The following HDAC9 variants were observed in gnomAD, a reference collection of about 807,000 sequenced individuals.
HDAC9 encodes the protein MEF-2 interacting transcription repressor (MITR) protein.
HDAC9 carries 41 observed loss-of-function variants against 139.4 expected under a neutral mutation model. The ratio of observed to expected loss-of-function variants is 0.29; its 90% CI spans 0.23 to 0.38. HDAC9 has a LOEUF of 0.38. HDAC9 is among the 10% of genes least tolerant of loss of function. The pLI, the probability that HDAC9 is intolerant of heterozygous loss-of-function variation, is 1.00. For synonymous variants in HDAC9, 517 were observed against 476.2 expected (o/e 1.09, Z -1.12); for missense variants, 1,147 against 1,297.0 (o/e 0.88, Z 1.78).
At chr7:18,890,750 A>G (rs1800611133) in intron 22 of HDAC9, among the ~76,000 whole-genome samples, 1 of 152,220 alleles carries the variant, frequency 6.6e-6, no homozygotes, top group Non-Finnish European at 1.5e-5. Flanking sequence ...ACTACAGTGT[A>G]ACATAGAAGT....
Position 18,975,901 on chromosome 7 carries a change from C to T in HDAC9, c.3118C>T (p.Leu1040=), listed in dbSNP as rs751330593. 8.7e-6 allele frequency: 14 copies of T among 1,613,758 alleles called. No individual in the cohort carries two copies. In the East Asian group the frequency reaches 2.9e-4, roughly 33 times the overall value. Residue 1040 remains leucine (L), a synonymous_variant, in exon 25 of 26, where the codon CTG becomes TTG. Coordinates refer to ENST00000686413, the MANE Select transcript of HDAC9 (RefSeq NM_178425.4). ...AGAGGAGACAGAGACCGTTTCTGCC[C>T]TGGCCTCCCTAACAGTGGATGTGGA... The part of the protein sequence containing the change: ...LQEETETVSA[L]ASLTVDVEQP...
At chr7:18,389,359 C>T (rs967070870) in intron 1 of HDAC9, among the ~76,000 whole-genome samples, 2 of 152,204 alleles carry the variant, frequency 1.3e-5, no homozygotes, top group African/African-American at 4.8e-5. Context: ...GCATTTAGGA[C>T]AGCACAGCAG....
rs188984021 is a variant in HDAC9, at chr7:18,317,828, G to A, written c.-42+27313G>A. Among the ~76,000 whole-genome samples, 295 of 152,266 alleles carry A rather than the reference G, an allele frequency of 1.9e-3. 6 individuals are homozygous for A. Among genetic ancestry groups the A allele is most frequent in the Non-Finnish European group, 5.0e-4 (34 of 68,008 alleles). On this transcript the variant is annotated intron_variant, in intron 1 of 3. Coordinates refer to the HDAC9 transcript ENST00000413509. Reference sequence around the variant, plus strand: ...GTTAGACTACTTTTGTGTTACCAAAGTAGTCTAACAGAAATACTTAGTAGT... The same window carrying A: ...GTTAGACTACTTTTGTGTTACCAAAATAGTCTAACAGAAATACTTAGTAGT...
At chr7:18,781,737 T>C (rs536427766) in intron 16 of HDAC9, among the ~76,000 whole-genome samples, 10 of 152,070 alleles carry the variant, frequency 6.6e-5, no homozygotes, top group African/African-American at 2.4e-4. Context: ...GATAGGAAAA[T>C]GTTGAGCTTA....
chr7:18,699,889 A>G (rs570616664), intron 12 of HDAC9, among the ~76,000 whole-genome samples: 2 of 152,228 alleles, frequency 1.3e-5, no homozygotes, highest in South Asian at 4.1e-4. Context: ...CATATATAAA[A>G]TATGTATATT....
At chr7:18,485,626 AATATT>A (rs944799376) in intron 1 of HDAC9, among the ~76,000 whole-genome samples, 16 of 151,912 alleles carry the variant, frequency 1.1e-4, no homozygotes, top group African/African-American at 2.2e-4. Flanking sequence ...TTTATGTATT[AATATT>A]ATATTATAAT....
intron 1 of HDAC9, among the ~76,000 whole-genome samples, chr7:18,472,935 T>C (rs1423363219): frequency 6.6e-6 from 1 of 152,192 alleles, no homozygotes; most frequent in Non-Finnish European, 1.5e-5. Flanking sequence ...TAAAAATGAA[T>C]GAATTAAGGC....
At chr7:18,774,514 T>C (rs1353443265) in intron 16 of HDAC9, among the ~76,000 whole-genome samples, 1 of 152,106 alleles carries the variant, frequency 6.6e-6, no homozygotes, top group Non-Finnish European at 1.5e-5. Context: ...ATGTTTATAC[T>C]GTCCTGTAGT....
rs142576883 is a variant in HDAC9, at chr7:18,855,083, C to A, written c.2684+19086C>A. Among the ~76,000 whole-genome samples the A allele has an allele frequency of 1.8e-4, 27 of 152,104 alleles. 1 individual carries two copies. Among genetic ancestry groups the A allele is most frequent in the Non-Finnish European group, 3.2e-4 (22 of 68,014 alleles). The stretch of plus-strand genomic sequence containing the variant: ...GAGGTAGTATGAATTAGCTAGAAGG[C>A]GTCCCTTAATCTCACTGCACTCTAC... On this transcript the variant is annotated intron_variant, in intron 21 of 25. Coordinates refer to ENST00000686413, the MANE Select transcript of HDAC9 (RefSeq NM_178425.4).
chr7:18,739,707 T>G (rs564576824), intron 13 of HDAC9, among the ~76,000 whole-genome samples: 111 of 152,354 alleles, frequency 7.3e-4, no homozygotes, highest in African/African-American at 2.5e-3. Context: ...TCTCCCAGTT[T>G]GGCTACATGG....
chr7:18,112,493 A>T (rs1471309855), intron 1 of HDAC9, among the ~76,000 whole-genome samples: 1 of 152,214 alleles, frequency 6.6e-6, no homozygotes, highest in African/African-American at 2.4e-5. Flanking sequence ...ATTGATGAGT[A>T]AGAGAAGTTC....
At chr7:18,680,277 A>G (rs1781801851) in intron 12 of HDAC9, among the ~76,000 whole-genome samples, 1 of 152,004 alleles carries the variant, frequency 6.6e-6, no homozygotes, top group African/African-American at 2.4e-5. Context: ...TGCCTTTTAA[A>G]ACATTTATCT....
At chr7:18,712,771 A>G (rs1039420680) in intron 12 of HDAC9, among the ~76,000 whole-genome samples, 1 of 152,230 alleles carries the variant, frequency 6.6e-6, no homozygotes, top group Non-Finnish European at 1.5e-5. Flanking sequence ...TTGAATAGCA[A>G]TGTTTGATAC....
At chr7:18,380,230 T>C (rs1234801561) in intron 1 of HDAC9, among the ~76,000 whole-genome samples, 1 of 152,140 alleles carries the variant, frequency 6.6e-6, no homozygotes, top group African/African-American at 2.4e-5. Flanking sequence ...TATATCTTAA[T>C]TGATATATAG....
At chr7:18,443,106 A>G (rs538436503) in intron 1 of HDAC9, among the ~76,000 whole-genome samples, 1 of 152,336 alleles carries the variant, frequency 6.6e-6, no homozygotes, top group South Asian at 2.1e-4. Context: ...CTTCCACTGA[A>G]TTGAAACAAA....
At chr7:18,890,373 C>A (rs1003965937) in intron 22 of HDAC9, among the ~76,000 whole-genome samples, 1 of 152,154 alleles carries the variant, frequency 6.6e-6, no homozygotes, top group Admixed American at 6.5e-5. Context: ...AATGAGCAAC[C>A]ACCAAAAGTC....
At chr7:18,148,971 T>C (rs563465175) in intron 1 of HDAC9, among the ~76,000 whole-genome samples, 1 of 152,198 alleles carries the variant, frequency 6.6e-6, no homozygotes, top group African/African-American at 2.4e-5. Flanking sequence ...ACACAGATCA[T>C]AGGGTGTCAT....
At chr7:18,660,263 A>C (rs1362371539) in intron 11 of HDAC9, among the ~76,000 whole-genome samples, 1 of 152,144 alleles carries the variant, frequency 6.6e-6, no homozygotes, top group African/African-American at 2.4e-5. Flanking sequence ...TAAAATAAGA[A>C]GTGTAGATTA....
At chr7:18,801,562 C>G (rs1433976252) in intron 17 of HDAC9, among the ~76,000 whole-genome samples, 1 of 151,948 alleles carries the variant, frequency 6.6e-6, no homozygotes, top group African/African-American at 2.4e-5. Flanking sequence ...CTTATAAAGA[C>G]CCATCAATCT....
Sources: gnomAD v4.1 joint callset for allele counts (sites outside exome capture counted in the v4.1 genomes callset) on GRCh38, gnomAD v4.1.1 for gene constraint, MANE v1.5 for transcripts, NCBI Gene and HGNC (gene_info 2026-07-23, HGNC 2026-07-21) for gene names.